The following SCMH1 variants were observed in gnomAD, a reference collection of about 807,000 sequenced individuals.
SCMH1 encodes the protein Scm polycomb group protein homolog 1, also known as polycomb protein SCMH1.
In SCMH1, 37 loss-of-function variants were observed where a neutral mutation model predicts 70.8. The observed-to-expected ratio is 0.52, with a 90% CI of 0.40 to 0.69. The LOEUF (loss-of-function observed/expected upper bound fraction) is 0.69, where lower values mean the gene tolerates loss of function less well. Ranked by LOEUF, SCMH1 falls within the 30% of genes least tolerant of loss-of-function variation. The probability of loss-of-function intolerance (pLI) is 0.00; values close to 1 mark genes in which losing one functional copy is unlikely to be tolerated. For synonymous variants in SCMH1, 292 were observed against 307.4 expected, an observed-to-expected ratio of 0.95 and a Z score of 0.52; for missense variants, 607 against 827.3, an observed-to-expected ratio of 0.73 and a Z score of 3.27.
intron 2 of SCMH1, among the ~76,000 whole-genome samples, chr1:41,179,734 C>T (rs1399515285): frequency 3.9e-5 from 6 of 152,184 alleles, no homozygotes; most frequent in Admixed American, 6.5e-5. Flanking sequence ...AGCTTACCAA[C>T]GAAAAAAAGT....
At chr1:41,189,839 T>C (rs1651238053) in intron 1 of SCMH1, among the ~76,000 whole-genome samples, 2 of 152,228 alleles carry the variant, frequency 1.3e-5, no homozygotes, top group South Asian at 4.1e-4. Context: ...AGTCCTAGTA[T>C]TCTTTAACTA....
At chr1:41,090,567 A>G (rs1663120237) in intron 8 of SCMH1, among the ~76,000 whole-genome samples, 1 of 152,154 alleles carries the variant, frequency 6.6e-6, no homozygotes, top group African/African-American at 2.4e-5. Flanking sequence ...GAGGTGATTG[A>G]TATCCCAATA....
intron 10 of SCMH1, among the ~76,000 whole-genome samples, chr1:41,069,431 G>A (rs1655722860): frequency 6.6e-6 from 1 of 152,150 alleles, no homozygotes; most frequent in Non-Finnish European, 1.5e-5. Context: ...TAATTGACAG[G>A]GGGATACGAG....
intron 1 of SCMH1, among the ~76,000 whole-genome samples, chr1:41,200,510 TAATAATATA>T (rs1011480971): frequency 1.2e-4 from 17 of 144,940 alleles, no homozygotes; most frequent in Non-Finnish European, 2.1e-4. Context: ...ATAATAATAA[TAATAATATA>T]ATAATAATAA....
intron 5 of SCMH1, among the ~76,000 whole-genome samples, chr1:41,143,992 A>G (rs1041357421): frequency 6.6e-6 from 1 of 152,224 alleles, no homozygotes; most frequent in Non-Finnish European, 1.5e-5. Context: ...GATTACAAAT[A>G]AAGCTGCTAG....
At chr1:41,106,182 CTTGA>C (rs1667865951) in intron 8 of SCMH1, among the ~76,000 whole-genome samples, 2 of 151,594 alleles carry the variant, frequency 1.3e-5, no homozygotes, top group South Asian at 2.1e-4. Flanking sequence ...GCCAATAGTT[CTTGA>C]TTTAGTTTGG....
intron 13 of SCMH1, among the ~76,000 whole-genome samples, chr1:41,036,287 T>A (rs1423313840): frequency 6.6e-6 from 1 of 152,224 alleles, no homozygotes; most frequent in Non-Finnish European, 1.5e-5. Context: ...GTCATCTATA[T>A]GACCATGGGC....
At chr1:41,194,891 C>T (rs907773148) in intron 1 of SCMH1, among the ~76,000 whole-genome samples, 1 of 151,998 alleles carries the variant, frequency 6.6e-6, no homozygotes, top group African/African-American at 2.4e-5. Context: ...CCTATAATCC[C>T]AGCACTTTGG....
chr1:41,073,907 T>C (rs1415790593), intron 9 of SCMH1, among the ~76,000 whole-genome samples: 3 of 152,046 alleles, frequency 2.0e-5, no homozygotes, highest in Admixed American at 2.0e-4. Flanking sequence ...GAGGAATTAA[T>C]GAGATTGGGA....
At chr1:41,193,491 A>G (rs922683232) in intron 1 of SCMH1, among the ~76,000 whole-genome samples, 5 of 152,132 alleles carry the variant, frequency 3.3e-5, no homozygotes, top group Non-Finnish European at 5.9e-5. Flanking sequence ...TGCTCTGGGA[A>G]AACAGAAGGG....
intron 6 of SCMH1, among the ~76,000 whole-genome samples, chr1:41,134,381 G>A (rs1446479191): frequency 6.6e-6 from 1 of 152,210 alleles, no homozygotes; most frequent in Admixed American, 6.5e-5. Context: ...CACAAGACAA[G>A]GATGCCCTCT....
At chr1:41,050,522 G>T (rs1457106750) in intron 10 of SCMH1, among the ~76,000 whole-genome samples, 1 of 152,112 alleles carries the variant, frequency 6.6e-6, no homozygotes, top group African/African-American at 2.4e-5. Context: ...ATGGACGGAA[G>T]AAATGGAAAA....
chr1:41,069,089 C>T (rs1432847461), intron 10 of SCMH1, among the ~76,000 whole-genome samples: 3 of 152,118 alleles, frequency 2.0e-5, no homozygotes, highest in Non-Finnish European at 4.4e-5. Flanking sequence ...AGGAAATCAA[C>T]AAGATTTCCC....
At chr1:41,068,488 C>T (rs1368951955) in intron 10 of SCMH1, among the ~76,000 whole-genome samples, 1 of 152,192 alleles carries the variant, frequency 6.6e-6, no homozygotes, top group Non-Finnish European at 1.5e-5. Context: ...TCACTGCAAA[C>T]TCCACCTCCT....
chr1:41,150,936 CAA>C (rs71062579), intron 5 of SCMH1, among the ~76,000 whole-genome samples: 6 of 76,518 alleles, frequency 7.8e-5, no homozygotes, highest in Non-Finnish European at 9.8e-5. Context: ...GACACCATCT[CAA>C]AAAAAAAAAA....
chr1:41,100,598 C>A (rs570824268), intron 8 of SCMH1, among the ~76,000 whole-genome samples: 1 of 148,546 alleles, frequency 6.7e-6, no homozygotes, highest in South Asian at 2.1e-4. Context: ...CGGAGTCTCA[C>A]TCTATTGCCC....
exon 13 of SCMH1, chr1:41,037,527 G>A: frequency 1.2e-6 from 2 of 1,613,958 alleles, no homozygotes; most frequent in South Asian, 1.1e-5. Flanking sequence ...CTATTCCCCA[G>A]GACAAAGGTT....
chr1:41,227,956 T>C (rs1573241448), intron 1 of SCMH1, among the ~76,000 whole-genome samples: 1 of 152,104 alleles, frequency 6.6e-6, no homozygotes, highest in East Asian at 1.9e-4. Flanking sequence ...ATTGCACTCC[T>C]GCCTGGTCGA....
At chr1:41,137,735 G>T (rs1364278301) in intron 6 of SCMH1, among the ~76,000 whole-genome samples, 19 of 152,168 alleles carry the variant, frequency 1.2e-4, no homozygotes, top group Admixed American at 1.2e-3. Flanking sequence ...CTCTGTCATT[G>T]AGAGAACACA....
Sources: gnomAD v4.1 joint callset for allele counts (sites outside exome capture counted in the v4.1 genomes callset) on GRCh38, gnomAD v4.1.1 for gene constraint, MANE v1.5 for transcripts, NCBI Gene and HGNC (gene_info 2026-07-23, HGNC 2026-07-21) for gene names.